The following SF3B2 variants were observed in gnomAD, a reference collection of about 807,000 sequenced individuals.
SF3B2 encodes the protein SAP 145.
Under a neutral mutation model 116.3 loss-of-function variants are expected in SF3B2, and 22 were observed. The ratio of observed to expected loss-of-function variants is 0.19; its 90% CI spans 0.14 to 0.27. The LOEUF is 0.27. Among genes scored for constraint, SF3B2 ranks in the 10% least tolerant of loss-of-function variants. SF3B2 has a pLI of 1.00. For missense variants in SF3B2, 767 were observed against 1,151.4 expected (o/e 0.67, Z 4.83); for synonymous variants, 406 against 421.6 (o/e 0.96, Z 0.45).
chr11:66,052,755 G>A, intron 2 of SF3B2, 36 bp downstream of exon 2: 4 of 1,537,040 alleles, frequency 2.6e-6, no homozygotes, highest in Non-Finnish European at 3.5e-6. Flanking sequence ...GATAGGCCGA[G>A]CTTCTCCAGG....
rs1856968042 is a variant in SF3B2 at position 66,055,129 on chromosome 11, T to G, written c.312T>G (p.Pro104=). 9 of 1,567,296 alleles carry G rather than the reference T, an allele frequency of 5.7e-6. No individual in the cohort carries two copies. The highest frequency in any genetic ancestry group is 7.8e-6 in the Non-Finnish European group (9 of 1,151,648). The stretch of plus-strand genomic sequence containing the variant: ...CTTTGGGACTCCCCCCTCTGCAGCC[T>G]CCTCCGCCACCCCCACCACCTCCAC... ...PPPLGLPPLQ[P]PPPPPPPPPG... is the part of the protein sequence containing the mutation. The change falls in exon 4 of 22, where the codon CCT becomes CCG. Residue 104 remains proline, a synonymous_variant. Transcript: ENST00000322535.
chr11:66,055,406 T>G (rs1164323723), intron 4 of SF3B2, 91 bp downstream of exon 4: 1 of 1,591,644 alleles, frequency 6.3e-7, no homozygotes, highest in East Asian at 2.2e-5. Flanking sequence ...GAACTAAGGC[T>G]TCTGGGAAGG....
chr11:66,065,946 TACTGCA>T (rs1857175387), intron 19 of SF3B2: 1 of 152,208 alleles, frequency 6.6e-6, no homozygotes, highest in South Asian at 2.1e-4. Context: ...GATCTCGGCT[TACTGCA>T]ACCTCTGCCA....
At chr11:66,057,788 C>T (rs1857027807) in intron 7 of SF3B2, among the ~76,000 whole-genome samples, 1 of 151,824 alleles carries the variant, frequency 6.6e-6, no homozygotes, top group Admixed American at 6.6e-5. Context: ...CCAGCCTCAA[C>T]ATGGAGAAAC....
chr11:66,055,396 G>C, intron 4 of SF3B2, 81 bp downstream of exon 4: 2 of 1,589,972 alleles, frequency 1.3e-6, no homozygotes, highest in Non-Finnish European at 1.7e-6. Flanking sequence ...CTGGGTCCTA[G>C]AACTAAGGCT....
chr11:66,054,966 T>A (rs1360946375), intron 3 of SF3B2, 110 bp from the exon 4 acceptor site: 1 of 1,017,174 alleles, frequency 9.8e-7, no homozygotes, highest in East Asian at 2.5e-5. Context: ...GTGGTAACTA[T>A]GTATCATTTG....
chr11:66,064,592 C>A (rs950232490), intron 19 of SF3B2: 2 of 152,066 alleles, frequency 1.3e-5, no homozygotes, highest in Non-Finnish European at 2.9e-5. Context: ...CATGTAGTTA[C>A]CATTTTTGTT....
chr11:66,052,850 G>A, intron 2 of SF3B2, 131 bp downstream of exon 2: 1 of 1,282,106 alleles, frequency 7.8e-7, no homozygotes, highest in Non-Finnish European at 1.1e-6. Flanking sequence ...TTTTTAGCTT[G>A]TTCTTGCCTT....
chr11:66,058,180 C>T (rs373440573), intron 8 of SF3B2, 30 bp downstream of exon 8: 182 of 1,589,952 alleles, frequency 1.1e-4, no homozygotes, highest in Non-Finnish European at 1.3e-4. Flanking sequence ...ATGCTGTAGC[C>T]ACAGAACCTG....
In SF3B2 at chr11:66,059,126, G is replaced by C; in HGVS notation, c.1183-75G>C. The C allele has an allele frequency of 6.2e-7, 1 of 1,609,714 alleles. No homozygotes were observed. Among genetic ancestry groups the C allele is most frequent in the Non-Finnish European group, 8.5e-7 (1 of 1,177,032 alleles). Reference sequence around the variant, plus strand: ...GTGGGTGAGAGGCAGCGGTGAACAGGCATCTTTTAGTGCTGGCCTTAGGAA... The same window carrying C: ...GTGGGTGAGAGGCAGCGGTGAACAGCCATCTTTTAGTGCTGGCCTTAGGAA... On this transcript the variant is annotated intron_variant, in intron 10 of 21. Coordinates refer to ENST00000322535, the MANE Select transcript of SF3B2 (RefSeq NM_006842.3). This position sits in a 1 kb window ranked among gnomAD's most constrained non-coding sequence, Gnocchi z 5.0.
chr11:66,055,061 A>G lies in SF3B2; in HGVS notation c.259-15A>G, dbSNP rs749842485. The G allele has an allele frequency of 7.3e-6, 11 of 1,501,448 alleles. No individual in the cohort carries two copies. The highest frequency in any genetic ancestry group is 7.0e-5 in the Admixed American group (3 of 43,122). 93.0% of individuals were successfully genotyped at this position (1,501,448 alleles called of 1,614,324 possible). On this transcript the variant is annotated splice_polypyrimidine_tract_variant and intron_variant, in intron 3 of 21. Coordinates refer to ENST00000322535, the MANE Select transcript of SF3B2 (RefSeq NM_006842.3). ...ATAAATGCTTCCTAGTTTTATGATCATATTTTCTCCACAGCTCCCTGGAAT... is the reference window on the plus strand; with the variant it reads ...ATAAATGCTTCCTAGTTTTATGATCGTATTTTCTCCACAGCTCCCTGGAAT...
In SF3B2 at chr11:66,055,171, C is replaced by T. The variant is rs1382484289; in HGVS notation, c.354C>T (p.Gly118=). 1.3e-6 allele frequency: 2 copies of T among 1,590,842 alleles called. No individual in the cohort carries two copies. Among genetic ancestry groups the T allele is most frequent in the Middle Eastern group, 1.7e-4 (1 of 5,980 alleles). ...CACCTCCACCAGGCCTTGGCCTTGG[C>T]TTTCCTATGGCCCACCCACCAAATT... ...PPPPPPGLGL[G]FPMAHPPNLG... The change falls in exon 4 of 22, where the codon GGC becomes GGT. Residue 118 remains glycine, a synonymous_variant. Transcript: ENST00000322535.
Position 66,059,507 on chromosome 11 carries a change from T to C in SF3B2, c.1321-8T>C. ...TCCTGCTTAAAAGGGCTGATTGTTC[T>C]GTTCTAGGAAAAGAAGCCAGAAGCC... On this transcript the variant is annotated splice_polypyrimidine_tract_variant and splice_region_variant and intron_variant, in intron 11 of 21. Transcript: ENST00000322535. This position sits in a 1 kb window ranked among gnomAD's most constrained non-coding sequence, Gnocchi z 5.0. The C allele has an allele frequency of 6.2e-7, 1 of 1,614,062 alleles. No homozygotes were observed. Among genetic ancestry groups the C allele is most frequent in the Non-Finnish European group, 8.5e-7 (1 of 1,179,990 alleles).
chr11:66,055,708 A>G (rs961727015), intron 5 of SF3B2, 123 bp downstream of exon 5: 2 of 834,310 alleles, frequency 2.4e-6, no homozygotes, highest in Non-Finnish European at 3.8e-6. Flanking sequence ...AAGTTCTAGT[A>G]TCTTCCAAAG....
At position 66,058,934 on chromosome 11, in the gene SF3B2, C is replaced by T. The variant is rs754333204; in HGVS notation, c.1071C>T (p.Ser357=). ...SGDREKDSTR[S]RGSDSPAADV... ...ACCGGGAGAAAGACTCAACCCGGTC[C>T]CGTGGCTCTGATTCCCCAGCAGCTG... The change falls in exon 10 of 22, where the codon TCC becomes TCT. Residue 357 remains serine, a synonymous_variant. Transcript: ENST00000322535. 1.2e-6 allele frequency: 2 copies of T among 1,613,984 alleles called. No homozygotes were observed. Among genetic ancestry groups the T allele is most frequent in the East Asian group, 4.5e-5 (2 of 44,890 alleles).
In SF3B2 at chr11:66,059,123, C is replaced by G. The variant is rs1308850850; in HGVS notation, c.1182+78C>G. ...GAGGTGGGTGAGAGGCAGCGGTGAACAGGCATCTTTTAGTGCTGGCCTTAG... is the reference window on the plus strand; with the variant it reads ...GAGGTGGGTGAGAGGCAGCGGTGAAGAGGCATCTTTTAGTGCTGGCCTTAG... On this transcript the variant is annotated intron_variant, in intron 10 of 21. Coordinates refer to ENST00000322535, the MANE Select transcript of SF3B2 (RefSeq NM_006842.3). This position sits in a 1 kb window ranked among gnomAD's most constrained non-coding sequence, Gnocchi z 5.0. 5 of 1,608,710 alleles carry G rather than the reference C, an allele frequency of 3.1e-6. No individual in the cohort carries two copies. The highest frequency in any genetic ancestry group is 4.3e-6 in the Non-Finnish European group (5 of 1,176,376).
intron 3 of SF3B2, 133 bp downstream of exon 3, chr11:66,053,237 GAA>G: frequency 1.2e-6 from 1 of 801,372 alleles, no homozygotes; most frequent in East Asian, 2.5e-5. Flanking sequence ...CCTGAGTGGG[GAA>G]AAAAAAAGAT....
chr11:66,052,742 C>T lies in SF3B2; in HGVS notation c.180+23C>T, dbSNP rs532013058. 38 of 1,546,330 alleles carry T rather than the reference C, an allele frequency of 2.5e-5. No homozygotes were observed. In the South Asian group the frequency reaches 4.5e-4, roughly 18 times the overall value. ...CAGGTAGGTGTTGGCGGCGGGACGT[C>T]AGGATAGGCCGAGCTTCTCCAGGAG... is the stretch of plus-strand genomic sequence containing the variant. On this transcript the variant is annotated intron_variant, in intron 2 of 21. Coordinates refer to ENST00000322535, the MANE Select transcript of SF3B2 (RefSeq NM_006842.3).
chr11:66,053,203 C>A, intron 3 of SF3B2, 99 bp downstream of exon 3: 2 of 1,077,234 alleles, frequency 1.9e-6, no homozygotes, highest in Non-Finnish European at 2.9e-6. Flanking sequence ...TGAGATGTGA[C>A]ACCCTTGCAC....
Sources: gnomAD v4.1 joint callset for allele counts (sites outside exome capture counted in the v4.1 genomes callset) on GRCh38, gnomAD v4.1.1 for gene constraint, Gnocchi (gnomAD v3.1) non-coding constraint, MANE v1.5 for transcripts, NCBI Gene and HGNC (gene_info 2026-07-23, HGNC 2026-07-21) for gene names.